The following ATG13 variants were observed in gnomAD, a reference collection of about 807,000 sequenced individuals.
The protein encoded by ATG13 is autophagy-related protein 13.
A neutral mutation model predicts 65.5 loss-of-function variants in ATG13; 23 were observed. That is an observed-to-expected ratio of 0.35 (90% CI 0.25 to 0.50). The LOEUF (loss-of-function observed/expected upper bound fraction) is 0.50, where lower values mean the gene tolerates loss of function less well. Among genes scored for constraint, ATG13 ranks in the 20% least tolerant of loss-of-function variants. The pLI is 0.98. For synonymous variants in ATG13, 252 were observed against 245.2 expected, an observed-to-expected ratio of 1.03 and a Z score of -0.26; for missense variants, 566 against 677.0, an observed-to-expected ratio of 0.84 and a Z score of 1.82.
At chr11:46,650,036 A>G in intron 6 of ATG13, 141 bp from the exon 7 acceptor site, 1 of 884,742 alleles carries the variant, frequency 1.1e-6, no homozygotes, top group Non-Finnish European at 1.6e-6. Flanking sequence ...AAAGTAAAAC[A>G]TTGGCTTACC....
At chr11:46,618,681 G>A (rs2046202884) in intron 1 of ATG13, among the ~76,000 whole-genome samples, 1 of 151,976 alleles carries the variant, frequency 6.6e-6, no homozygotes, top group Admixed American at 6.6e-5. Context: ...CAGATTTTGT[G>A]TGTTGTTTTA....
At chr11:46,627,532 G>A (rs1191409434) in intron 1 of ATG13, among the ~76,000 whole-genome samples, 10 of 152,012 alleles carry the variant, frequency 6.6e-5, no homozygotes, top group East Asian at 3.9e-4. Context: ...GTGCAATGGC[G>A]CGATCTCAGC....
chr11:46,658,748 C>T (rs1158339391), intron 10 of ATG13, among the ~76,000 whole-genome samples: 1 of 152,000 alleles, frequency 6.6e-6, no homozygotes, highest in African/African-American at 2.4e-5. Context: ...GTTGGTCAGG[C>T]TGGTCTCAAG....
chr11:46,645,782 C>A, intron 4 of ATG13, 88 bp from the exon 5 acceptor site: 1 of 1,538,010 alleles, frequency 6.5e-7, no homozygotes, highest in Non-Finnish European at 8.9e-7. Context: ...TCAGCCACAG[C>A]AATACTTGCA....
chr11:46,642,399 G>C (rs1054790484), intron 2 of ATG13, among the ~76,000 whole-genome samples: 1 of 140,834 alleles, frequency 7.1e-6, no homozygotes, highest in Non-Finnish European at 1.5e-5. Flanking sequence ...TCTGCCTTCT[G>C]GGTTCAAGCA....
At chr11:46,630,413 C>T (rs766672529) in intron 2 of ATG13, among the ~76,000 whole-genome samples, 5 of 152,204 alleles carry the variant, frequency 3.3e-5, no homozygotes, top group South Asian at 2.1e-4. Context: ...TACCAAACAC[C>T]GCTTGTGTGT....
chr11:46,660,202 T>A (rs1672808454), intron 11 of ATG13, among the ~76,000 whole-genome samples: 1 of 152,186 alleles, frequency 6.6e-6, no homozygotes, highest in South Asian at 2.1e-4. Context: ...TGCCTCCAGA[T>A]TCCTCTTCTG....
chr11:46,631,935 T>C (rs1438961045), intron 2 of ATG13, among the ~76,000 whole-genome samples: 1 of 152,204 alleles, frequency 6.6e-6, no homozygotes, highest in Non-Finnish European at 1.5e-5. Context: ...TCTTACACTT[T>C]GGGAACCTCA....
chr11:46,617,642 T>G lies in ATG13; in HGVS notation c.-318T>G, dbSNP rs2135448083. On this transcript the variant is annotated 5_prime_UTR_variant, in exon 1 of 19. An upstream open reading frame in the 5' UTR loses its in-frame stop. Coordinates refer to ENST00000683050, the MANE Select transcript of ATG13 (RefSeq NM_001346311.2). ...TGGGCTTAAGGCGGGAGTGACCGCT[T>G]AACCAGTGAGGGAAGCACTGAAGAG... is the stretch of plus-strand genomic sequence containing the variant. 1 of 340,842 alleles carries G rather than the reference T, an allele frequency of 2.9e-6. No homozygotes were observed. The highest frequency in any genetic ancestry group is 1.6e-4 in the South Asian group (1 of 6,428). 21.1% of individuals were successfully genotyped at this position (340,842 alleles called of 1,614,324 possible).
intron 12 of ATG13, 47 bp downstream of exon 12, chr11:46,664,142 T>G (rs756201094): frequency 3.0e-6 from 4 of 1,345,790 alleles, no homozygotes; most frequent in South Asian, 2.5e-5. Context: ...TGGCATCCTT[T>G]TATTTAAAAA....
chr11:46,625,984 C>G (rs976721521), intron 1 of ATG13, among the ~76,000 whole-genome samples: 1 of 152,026 alleles, frequency 6.6e-6, no homozygotes, highest in Non-Finnish European at 1.5e-5. Flanking sequence ...GTTTTTGAGA[C>G]GGAGTCTGTC....
At position 46,674,339 on chromosome 11, in the gene ATG13, G is replaced by C. The variant is rs2064341442; in HGVS notation, c.*2007G>C. ...TTGCCCCTCAGACCTGCCATGAAAG[G>C]AATGAGCCCTAGACTGACTCCTGCA... On this transcript the variant is annotated 3_prime_UTR_variant, in exon 19 of 19. Coordinates refer to ENST00000683050, the MANE Select transcript of ATG13 (RefSeq NM_001346311.2). 1.3e-5 allele frequency: 2 copies of C among 152,246 alleles called. No individual in the cohort carries two copies. Among genetic ancestry groups the C allele is most frequent in the Non-Finnish European group, 2.9e-5 (2 of 68,104 alleles). The allele number at this position is 152,246 out of a possible 1,614,324, so 9.4% of individuals were successfully genotyped here.
chr11:46,667,801 A>G lies in ATG13; in HGVS notation c.1165A>G (p.Ser389Gly). 1 of 1,611,024 alleles carries G rather than the reference A, an allele frequency of 6.2e-7. No homozygotes were observed. The highest frequency in any genetic ancestry group is 1.3e-5 in the African/African-American group (1 of 75,004). ...GGATACTGAAACCGTATCAAACAGC[A>G]GTGAGGGACGGGCCTCCCCTCACGA... ...SEDTETVSNS[S>G]EGRASPHDVL... Residue 389 changes from serine to glycine, a missense_variant, in exon 15 of 19, where the codon AGT becomes GGT. Around this residue, in one of 2 missense-constraint regions of ATG13, gnomAD observed 387 missense variants for 409.8 expected, o/e 0.94. Transcript: ENST00000683050.
intron 1 of ATG13, among the ~76,000 whole-genome samples, chr11:46,621,412 G>A (rs1246341759): frequency 6.6e-6 from 1 of 152,176 alleles, no homozygotes; most frequent in East Asian, 1.9e-4. Context: ...AGGGGGAAGA[G>A]TTATCGGTGT....
chr11:46,625,796 G>T (rs1432942810), intron 1 of ATG13, among the ~76,000 whole-genome samples: 2 of 152,108 alleles, frequency 1.3e-5, no homozygotes, highest in African/African-American at 2.4e-5. Flanking sequence ...AAGAACAGTT[G>T]TTCCTTTAGG....
intron 18 of ATG13, among the ~76,000 whole-genome samples, chr11:46,671,694 A>C (rs1015196997): frequency 3.3e-5 from 5 of 152,196 alleles, no homozygotes; most frequent in African/African-American, 1.2e-4. Flanking sequence ...GTGAGCTGAG[A>C]TCACACCACA....
intron 9 of ATG13, 75 bp from the exon 10 acceptor site, chr11:46,657,449 A>G: frequency 7.3e-7 from 1 of 1,379,242 alleles, no homozygotes; most frequent in East Asian, 2.3e-5. Flanking sequence ...ATGTAAGGTG[A>G]GGGGCCCTCT....
At chr11:46,629,637 T>G (rs536685527) in intron 1 of ATG13, among the ~76,000 whole-genome samples, 1 of 152,222 alleles carries the variant, frequency 6.6e-6, no homozygotes, top group Admixed American at 6.6e-5. Flanking sequence ...CCTCAGATGA[T>G]CCACCCGCTT....
intron 1 of ATG13, among the ~76,000 whole-genome samples, chr11:46,628,771 CAT>C (rs1422598992): frequency 6.6e-6 from 1 of 152,072 alleles, no homozygotes; most frequent in Non-Finnish European, 1.5e-5. Context: ...GTGTAATTGA[CAT>C]AAATAAATTA....
Sources: allele counts gnomAD v4.1 joint callset (sites outside exome capture counted in the v4.1 genomes callset), GRCh38; gene constraint gnomAD v4.1.1; regional missense constraint gnomAD v4.1.1; transcripts MANE v1.5; gene names NCBI Gene and HGNC (gene_info 2026-07-23, HGNC 2026-07-21).